Variants in SPIDR observed in about 807,000 individuals in gnomAD.
SPIDR encodes scaffold protein involved in DNA repair, also known as DNA repair-scaffolding protein.
Under a neutral mutation model 104.6 loss-of-function variants are expected in SPIDR, and 93 were observed. The observed-to-expected ratio is 0.89, with a 90% CI of 0.75 to 1.06. The LOEUF (loss-of-function observed/expected upper bound fraction) is 1.06. Among genes scored for constraint, SPIDR ranks in the 50% least tolerant of loss-of-function variants. The pLI is 0.00. For synonymous variants in SPIDR, 431 were observed against 416.9 expected (o/e 1.03, Z -0.41); for missense variants, 1,154 against 1,111.2 (o/e 1.04, Z -0.55).
chr8:47,367,996 A>G (rs563060030), intron 5 of SPIDR, among the ~76,000 whole-genome samples: 24 of 152,240 alleles, frequency 1.6e-4, no homozygotes, highest in African/African-American at 5.8e-4. Context: ...CGTATAAACA[A>G]TGGAAATGCA....
intron 19 of SPIDR, chr8:47,732,318 T>G (rs2085384580): frequency 6.1e-6 from 4 of 650,662 alleles, no homozygotes; most frequent in Middle Eastern, 4.9e-4. Flanking sequence ...ATGCAGTATG[T>G]GTGCATCAGA....
At chr8:47,302,348 C>A (rs1459724858) in intron 5 of SPIDR, among the ~76,000 whole-genome samples, 71,296 of 151,204 alleles carry the variant, frequency 0.47, 20,444 homozygotes, top group African/African-American at 0.82. Context: ...CCATTTGTCT[C>A]GTTTTTTTCC....
At chr8:47,643,018 T>C (rs1435293502) in intron 10 of SPIDR, among the ~76,000 whole-genome samples, 1 of 152,264 alleles carries the variant, frequency 6.6e-6, no homozygotes, top group Non-Finnish European at 1.5e-5. Context: ...GCATATGGAC[T>C]GTTATTGATT....
rs548120109 is a variant in SPIDR, at chr8:47,677,157, A to G, written c.1685+3216A>G. ...CCTCAATGACTCTCTACTAAGGGCC[A>G]CCCCCCAACCTGCCCCCGACCACCG... On this transcript the variant is annotated intron_variant, in intron 11 of 19. Coordinates refer to ENST00000297423, the MANE Select transcript of SPIDR (RefSeq NM_001080394.4). Among the ~76,000 whole-genome samples, 26 of 151,796 alleles carry G rather than the reference A, an allele frequency of 1.7e-4. 1 individual carries two copies. The highest frequency in any genetic ancestry group is 6.0e-4 in the African/African-American group (25 of 41,394).
intron 5 of SPIDR, among the ~76,000 whole-genome samples, chr8:47,347,226 G>C (rs1363968510): frequency 6.6e-6 from 1 of 152,158 alleles, no homozygotes. Flanking sequence ...TTCAGGAGCA[G>C]GTTGTTCAGT....
At chr8:47,605,228 G>A (rs1454805696) in intron 10 of SPIDR, among the ~76,000 whole-genome samples, 4 of 152,196 alleles carry the variant, frequency 2.6e-5, no homozygotes, top group Admixed American at 6.5e-5. Flanking sequence ...CGTGGCAAGC[G>A]CTCAGGATGG....
chr8:47,415,204 A>G (rs937268074), intron 7 of SPIDR, among the ~76,000 whole-genome samples: 6 of 152,152 alleles, frequency 3.9e-5, no homozygotes, highest in Non-Finnish European at 1.5e-5. Flanking sequence ...TGCCCGGCCT[A>G]TTCTGCCCTT....
chr8:47,517,829 A>C (rs755945999), intron 8 of SPIDR, among the ~76,000 whole-genome samples: 3 of 152,178 alleles, frequency 2.0e-5, no homozygotes, highest in Admixed American at 6.5e-5. Context: ...TTGAGGGTAG[A>C]GATTAATTTT....
In SPIDR at chr8:47,735,614, G is replaced by A; in HGVS notation, c.*164G>A. ...GGGAAATGTTCAGATACAGTTTTGT[G>A]AACTGTAAATCAAAATACCTTTTTC... is the stretch of plus-strand genomic sequence containing the variant. On this transcript the variant is annotated 3_prime_UTR_variant, in exon 20 of 20. Coordinates refer to ENST00000297423, the MANE Select transcript of SPIDR (RefSeq NM_001080394.4). 1 of 1,355,870 alleles carries A rather than the reference G, an allele frequency of 7.4e-7. No individual in the cohort carries two copies. The highest frequency in any genetic ancestry group is 9.9e-7 in the Non-Finnish European group (1 of 1,011,330). 84.0% of individuals were successfully genotyped at this position (1,355,870 alleles called of 1,614,324 possible).
At chr8:47,661,560 G>T (rs1289973427) in intron 10 of SPIDR, among the ~76,000 whole-genome samples, 1 of 152,236 alleles carries the variant, frequency 6.6e-6, no homozygotes, top group Non-Finnish European at 1.5e-5. Context: ...TAAGATGTCA[G>T]ATCTCTTGAG....
At chr8:47,489,728 C>T (rs2078342300) in intron 8 of SPIDR, among the ~76,000 whole-genome samples, 1 of 152,074 alleles carries the variant, frequency 6.6e-6, no homozygotes, top group Admixed American at 6.6e-5. Context: ...CTTTGGCAAA[C>T]CTGACAAAAA....
At chr8:47,591,109 T>C (rs1257374963) in intron 8 of SPIDR, among the ~76,000 whole-genome samples, 2 of 152,114 alleles carry the variant, frequency 1.3e-5, no homozygotes, top group African/African-American at 2.4e-5. Context: ...TGTCTTTTAA[T>C]TGGTTTATTT....
chr8:47,624,552 G>T (rs1326383857), intron 10 of SPIDR, among the ~76,000 whole-genome samples: 2 of 152,016 alleles, frequency 1.3e-5, no homozygotes, highest in Non-Finnish European at 2.9e-5. Context: ...TGATAAAGGG[G>T]ATATCACCAC....
chr8:47,337,204 G>A (rs1434283074), intron 5 of SPIDR, among the ~76,000 whole-genome samples: 9 of 151,886 alleles, frequency 5.9e-5, no homozygotes, highest in East Asian at 1.9e-4. Flanking sequence ...GATAACTTAC[G>A]ACAGCCTCGA....
At chr8:47,502,389 A>T (rs1004982747) in intron 8 of SPIDR, among the ~76,000 whole-genome samples, 5 of 152,160 alleles carry the variant, frequency 3.3e-5, no homozygotes, top group Non-Finnish European at 7.3e-5. Context: ...GTGTGCAGGA[A>T]TTTATCCATT....
chr8:47,679,918 C>CTAATA (rs2076891309), intron 11 of SPIDR, among the ~76,000 whole-genome samples: 1 of 152,222 alleles, frequency 6.6e-6, no homozygotes, highest in African/African-American at 2.4e-5. Flanking sequence ...GTGGGATGCA[C>CTAATA]ATTAGGTGTT....
At chr8:47,342,737 T>C (rs1449411728) in intron 5 of SPIDR, among the ~76,000 whole-genome samples, 5 of 152,214 alleles carry the variant, frequency 3.3e-5, no homozygotes, top group African/African-American at 1.2e-4. Flanking sequence ...TGTTTAAATA[T>C]TTATGTACCT....
At chr8:47,333,595 C>T (rs2049158330) in intron 5 of SPIDR, among the ~76,000 whole-genome samples, 1 of 152,150 alleles carries the variant, frequency 6.6e-6, no homozygotes, top group Non-Finnish European at 1.5e-5. Flanking sequence ...AGCCACCACA[C>T]CTGGCCATGG....
chr8:47,279,563 ACT>A (rs1168044685), intron 1 of SPIDR: 3 of 242,300 alleles, frequency 1.2e-5, no homozygotes, highest in Non-Finnish European at 2.4e-5. Context: ...GGCCTCCTTG[ACT>A]CTCTTACTTT....
Sources: gnomAD v4.1 joint callset for allele counts (sites outside exome capture counted in the v4.1 genomes callset) on GRCh38, gnomAD v4.1.1 for gene constraint, MANE v1.5 for transcripts, NCBI Gene and HGNC (gene_info 2026-07-23, HGNC 2026-07-21) for gene names.